AACS: variants seen among roughly 807,000 people sequenced by gnomAD.
AACS encodes the protein acetoacetate-CoA ligase.
A neutral mutation model predicts 83.1 loss-of-function variants in AACS; 69 were observed. That is an observed-to-expected ratio of 0.83 (90% CI 0.68 to 1.01). AACS has a LOEUF of 1.01. AACS is among the 50% of genes least tolerant of loss of function. The pLI is 0.00. For synonymous variants in AACS, 333 were observed against 343.4 expected (o/e 0.97, Z 0.33); for missense variants, 866 against 882.2 (o/e 0.98, Z 0.23).
At chr12:125,077,216 C>A (rs557398744) in intron 3 of AACS, among the ~76,000 whole-genome samples, 1 of 151,742 alleles carries the variant, frequency 6.6e-6, no homozygotes, top group Non-Finnish European at 1.5e-5. Context: ...GCACCCGGCC[C>A]CTGTGCAGCT....
chr12:125,075,885 C>T (rs2136041550), intron 2 of AACS, among the ~76,000 whole-genome samples: 1 of 152,318 alleles, frequency 6.6e-6, no homozygotes, highest in Non-Finnish European at 1.5e-5. Flanking sequence ...AGCCACTGCG[C>T]CTGGCTGGAG....
intron 14 of AACS, 93 bp from the exon 15 acceptor site, chr12:125,133,910 T>C: frequency 7.8e-7 from 1 of 1,286,914 alleles, no homozygotes; most frequent in Non-Finnish European, 1.1e-6. Flanking sequence ...TGGGCCCCAG[T>C]GATGTCTGCG....
chr12:125,083,228 G>A (rs996938032), intron 3 of AACS, among the ~76,000 whole-genome samples: 10 of 152,194 alleles, frequency 6.6e-5, no homozygotes, highest in African/African-American at 2.4e-4. Flanking sequence ...TTGGTGGGAG[G>A]CCTCGTTCCT....
chr12:125,132,092 A>T (rs1957336941), intron 14 of AACS, among the ~76,000 whole-genome samples: 1 of 152,034 alleles, frequency 6.6e-6, no homozygotes, highest in South Asian at 2.1e-4. Context: ...AATGAGAATG[A>T]TCTAAATCTG....
intron 3 of AACS, among the ~76,000 whole-genome samples, chr12:125,083,484 A>G (rs1176111922): frequency 6.6e-6 from 1 of 152,110 alleles, no homozygotes; most frequent in African/African-American, 2.4e-5. Flanking sequence ...ACAGTCTGTT[A>G]GGCGAAAATT....
chr12:125,106,979 G>T (rs931962607), intron 7 of AACS, 142 bp from the exon 8 acceptor site: 1 of 1,217,334 alleles, frequency 8.2e-7, no homozygotes, highest in African/African-American at 1.5e-5. Context: ...GTCCCAGGAA[G>T]TTTCCAAATC....
intron 3 of AACS, among the ~76,000 whole-genome samples, chr12:125,083,393 G>A (rs1482173689): frequency 1.3e-5 from 2 of 151,956 alleles, no homozygotes. Flanking sequence ...CGATTCCCCA[G>A]GTCAGGTGTG....
chr12:125,109,638 G>A (rs771138286), intron 8 of AACS, among the ~76,000 whole-genome samples: 11 of 151,902 alleles, frequency 7.2e-5, no homozygotes, highest in African/African-American at 2.4e-4. Context: ...GAAGGTTGGC[G>A]TTGGTGCAGT....
chr12:125,138,762 T>G (rs1957435284), intron 17 of AACS: 1 of 152,154 alleles, frequency 6.6e-6, no homozygotes, highest in Non-Finnish European at 1.5e-5. Context: ...ATTTGGAGGG[T>G]TCTTCCAGAT....
At chr12:125,088,688 A>C (rs1459370485) in intron 4 of AACS, among the ~76,000 whole-genome samples, 2 of 152,176 alleles carry the variant, frequency 1.3e-5, no homozygotes, top group African/African-American at 4.8e-5. Flanking sequence ...AATCTTTTGA[A>C]GCAAACGTTT....
intron 8 of AACS, among the ~76,000 whole-genome samples, chr12:125,111,606 C>T (rs958386776): frequency 2.6e-5 from 4 of 152,166 alleles, no homozygotes; most frequent in African/African-American, 9.7e-5. Flanking sequence ...AACTTGAAAA[C>T]AGTGAGGCAA....
chr12:125,088,654 T>A (rs1956393826), intron 4 of AACS, among the ~76,000 whole-genome samples: 1 of 152,166 alleles, frequency 6.6e-6, no homozygotes, highest in East Asian at 1.9e-4. Flanking sequence ...GTTTTTTTCT[T>A]CCCTCCCAAT....
Position 125,081,844 on chromosome 12 carries a change from C to T in AACS, c.359-4486C>T, listed in dbSNP as rs565041473. 6.6e-5 allele frequency among the ~76,000 whole-genome samples: 10 copies of T among 150,718 alleles called. No homozygotes were observed. The East Asian group carries it at 2.0e-3, about 29-fold the overall frequency. Reference sequence around the variant, plus strand: ...GCAAGGAGAGGATGAAGGGCAGACGCGTACAACTCTAGGCAAATAGGAAAA... The same window carrying T: ...GCAAGGAGAGGATGAAGGGCAGACGTGTACAACTCTAGGCAAATAGGAAAA... On this transcript the variant is annotated intron_variant, in intron 3 of 17. Transcript: ENST00000316519.
chr12:125,068,743 T>G (rs1955773756), intron 1 of AACS, among the ~76,000 whole-genome samples: 1 of 152,218 alleles, frequency 6.6e-6, no homozygotes, highest in Admixed American at 6.5e-5. Flanking sequence ...ATCTTCTTTT[T>G]GATTATTCTC....
intron 3 of AACS, among the ~76,000 whole-genome samples, chr12:125,085,035 A>G (rs1956298376): frequency 6.6e-6 from 1 of 152,132 alleles, no homozygotes; most frequent in Non-Finnish European, 1.5e-5. Context: ...TTGAAATGGC[A>G]GAATTATAGA....
At chr12:125,138,334 T>C (rs1438132354) in intron 17 of AACS, 2 of 152,234 alleles carry the variant, frequency 1.3e-5, no homozygotes, top group Non-Finnish European at 2.9e-5. Context: ...TCTTTCTTTT[T>C]CCCTTATTTT....
At chr12:125,086,224 A>G (rs1956336094) in intron 3 of AACS, 106 bp from the exon 4 acceptor site, 2 of 926,458 alleles carry the variant, frequency 2.2e-6, no homozygotes, top group Admixed American at 2.2e-5. Context: ...CTGGGTGTAG[A>G]TTAATAACCT....
chr12:125,083,031 C>T (rs1191746109), intron 3 of AACS, among the ~76,000 whole-genome samples: 1 of 152,224 alleles, frequency 6.6e-6, no homozygotes, highest in Non-Finnish European at 1.5e-5. Flanking sequence ...TCATAGATTT[C>T]CTGAAAGCCA....
chr12:125,136,772 C>G lies in AACS; in HGVS notation c.1789C>G (p.Pro597Ala), dbSNP rs1957406421. The change falls in exon 17 of 18, where the codon CCT becomes GCT. Residue 597 changes from proline to alanine, a missense_variant. Physicochemically the swap from Pro to Ala is conservative, Grantham distance 27. Transcript: ENST00000316519. ...GATGGCCTCCGGGCACGCCTTCCAG[C>G]CTGACTTGGTTAAGAGGATCCGTGA... ...LKMASGHAFQPDLVKRIRDAI... is the reference protein window; with the variant it reads ...LKMASGHAFQADLVKRIRDAI... The G allele has an allele frequency of 6.2e-7, 1 of 1,614,022 alleles. No individual in the cohort carries two copies. The highest frequency in any genetic ancestry group is 1.3e-5 in the African/African-American group (1 of 74,900).
Sources: allele counts gnomAD v4.1 joint callset (sites outside exome capture counted in the v4.1 genomes callset), GRCh38; gene constraint gnomAD v4.1.1; transcripts MANE v1.5; gene names NCBI Gene and HGNC (gene_info 2026-07-23, HGNC 2026-07-21).